MAD1L1: variants seen among roughly 807,000 people sequenced by gnomAD.
MAD1L1 encodes mitotic arrest deficient 1 like 1.
In MAD1L1, 95 loss-of-function variants were observed where a neutral mutation model predicts 96.9. The ratio of observed to expected loss-of-function variants is 0.98; its 90% confidence interval spans 0.83 to 1.16. MAD1L1 has a LOEUF of 1.16. Ranked by LOEUF, MAD1L1 falls within the 50% of genes most tolerant of loss-of-function variation. MAD1L1 has a pLI of 0.00. For missense variants in MAD1L1, 1,007 were observed against 954.4 expected, an observed-to-expected ratio of 1.06 and a Z score of -0.73; for synonymous variants, 473 against 396.6, an observed-to-expected ratio of 1.19 and a Z score of -2.29.
At chr7:2,024,788 T>C (rs1220576436) in intron 12 of MAD1L1, among the ~76,000 whole-genome samples, 2 of 152,166 alleles carry the variant, frequency 1.3e-5, no homozygotes, top group Admixed American at 6.5e-5. Flanking sequence ...GCTGTATCTA[T>C]GAAAGAAATT....
At chr7:1,886,179 G>A (rs1377390016) in intron 18 of MAD1L1, among the ~76,000 whole-genome samples, 1 of 152,234 alleles carries the variant, frequency 6.6e-6, no homozygotes, top group African/African-American at 2.4e-5. Context: ...TCTGGGCCTG[G>A]AATGGCACAG....
At chr7:1,897,302 G>A (rs62442895) in intron 18 of MAD1L1, among the ~76,000 whole-genome samples, 23,306 of 150,796 alleles carry the variant, frequency 0.15, 2,217 homozygotes, top group South Asian at 0.28. Context: ...CAGACTGCAG[G>A]CAGTTTAGAC....
At chr7:1,966,605 C>G (rs1780179336) in intron 15 of MAD1L1, among the ~76,000 whole-genome samples, 2 of 143,244 alleles carry the variant, frequency 1.4e-5, no homozygotes, top group South Asian at 4.4e-4. Flanking sequence ...ATTCAAGAAG[C>G]TGAGCAAACT....
At chr7:1,961,765 G>A (rs541856224) in intron 15 of MAD1L1, among the ~76,000 whole-genome samples, 1 of 152,138 alleles carries the variant, frequency 6.6e-6, no homozygotes, top group Non-Finnish European at 1.5e-5. Flanking sequence ...GGGAGATAAT[G>A]AATCAGAGGG....
intron 18 of MAD1L1, among the ~76,000 whole-genome samples, chr7:1,859,528 C>A (rs1387498297): frequency 6.6e-6 from 1 of 152,326 alleles, no homozygotes. Context: ...CAAGTGGGAT[C>A]TGAGTGGCCC....
At chr7:1,888,040 T>C (rs1194208831) in intron 18 of MAD1L1, among the ~76,000 whole-genome samples, 1 of 147,734 alleles carries the variant, frequency 6.8e-6, no homozygotes, top group African/African-American at 2.5e-5. Context: ...AGACTGAGCA[T>C]GTGTGTGTGA....
At chr7:2,098,537 A>G (rs546379342) in intron 11 of MAD1L1, among the ~76,000 whole-genome samples, 1 of 152,280 alleles carries the variant, frequency 6.6e-6, no homozygotes, top group South Asian at 2.1e-4. Context: ...CATCATGTGT[A>G]TGGTCTCTTG....
At chr7:2,080,785 T>C (rs1228208907) in intron 11 of MAD1L1, among the ~76,000 whole-genome samples, 2 of 152,148 alleles carry the variant, frequency 1.3e-5, no homozygotes, top group Non-Finnish European at 2.9e-5. Context: ...CAAAGGGAAC[T>C]GCCATTTCTT....
intron 12 of MAD1L1, among the ~76,000 whole-genome samples, chr7:2,062,203 C>T (rs1299321572): frequency 1.4e-5 from 2 of 148,026 alleles, no homozygotes; most frequent in Non-Finnish European, 3.0e-5. Flanking sequence ...GATCGCGCCA[C>T]TGCACTCCAG....
intron 14 of MAD1L1, among the ~76,000 whole-genome samples, chr7:1,995,331 T>G (rs1323389673): frequency 6.6e-6 from 1 of 152,166 alleles, no homozygotes; most frequent in African/African-American, 2.4e-5. Flanking sequence ...ATCAGGCCCC[T>G]GTTCTCACCC....
chr7:2,139,758 T>A (rs914585155), intron 11 of MAD1L1, among the ~76,000 whole-genome samples: 1 of 152,238 alleles, frequency 6.6e-6, no homozygotes, highest in Non-Finnish European at 1.5e-5. Context: ...TGAGGGGCTC[T>A]GCGTGGAGAG....
intron 12 of MAD1L1, among the ~76,000 whole-genome samples, chr7:2,067,863 T>C (rs1311582365): frequency 6.6e-6 from 1 of 151,714 alleles, no homozygotes; most frequent in Non-Finnish European, 1.5e-5. Context: ...TTGAGGTGCG[T>C]GGCAGGTGCT....
At chr7:1,899,143 C>T (rs6460996) in intron 17 of MAD1L1, among the ~76,000 whole-genome samples, 11,853 of 152,272 alleles carry the variant, frequency 0.078, 1,532 homozygotes, top group African/African-American at 0.26. Flanking sequence ...ACACCCTGCC[C>T]GTCAGAGTTT....
chr7:2,219,483 G>T (rs377570944), intron 5 of MAD1L1, 27 bp from the exon 6 acceptor site: 2 of 1,608,712 alleles, frequency 1.2e-6, no homozygotes, highest in East Asian at 4.5e-5. Flanking sequence ...CCAGAGAGCC[G>T]CTCAGTGAGT....
At chr7:1,855,368 G>T (rs1171911492) in intron 18 of MAD1L1, among the ~76,000 whole-genome samples, 2 of 151,920 alleles carry the variant, frequency 1.3e-5, no homozygotes, top group African/African-American at 4.8e-5. Context: ...CATTCCCCAG[G>T]TGCTTAAGTT....
In MAD1L1 at chr7:2,199,680, GC is replaced by G. The variant is rs1427153502; in HGVS notation, c.986+13531del. On this transcript the variant is annotated intron_variant, in intron 10 of 18. Coordinates refer to ENST00000265854, the MANE Select transcript of MAD1L1 (RefSeq NM_001013836.2). ...ACAACGGAAACCAGACGAGGGCCAG[GC>G]CAGGCAGACACACCGGGCAGCCACT... Among the ~76,000 whole-genome samples the G allele has an allele frequency of 2.6e-5, 4 of 152,256 alleles. No individual in the cohort carries two copies. The East Asian group carries it at 7.7e-4, about 29-fold the overall frequency.
intron 18 of MAD1L1, among the ~76,000 whole-genome samples, chr7:1,826,660 G>A (rs1398529165): frequency 6.6e-6 from 1 of 152,260 alleles, no homozygotes. Context: ...TGAGCACCGC[G>A]CTGAGGGCCT....
intron 10 of MAD1L1, among the ~76,000 whole-genome samples, chr7:2,169,968 G>A (rs929428411): frequency 3.9e-5 from 6 of 152,176 alleles, no homozygotes; most frequent in Admixed American, 2.6e-4. Context: ...GAGGGGTTGC[G>A]GAAGGCTTCC....
chr7:2,086,036 C>T (rs1584284619), intron 11 of MAD1L1, among the ~76,000 whole-genome samples: 1 of 152,198 alleles, frequency 6.6e-6, no homozygotes, highest in Non-Finnish European at 1.5e-5. Flanking sequence ...CTCCACCTAC[C>T]CCCAGGAATC....
Sources: allele counts gnomAD v4.1 joint callset (sites outside exome capture counted in the v4.1 genomes callset), GRCh38; gene constraint gnomAD v4.1.1; transcripts MANE v1.5; gene names NCBI Gene and HGNC (gene_info 2026-07-23, HGNC 2026-07-21).